Variants in CRTC1 observed in about 807,000 individuals in gnomAD.
CRTC1 encodes CREB-regulated transcription coactivator 1.
A neutral mutation model predicts 66.1 loss-of-function variants in CRTC1; 18 were observed. The ratio of observed to expected loss-of-function variants is 0.27; its 90% CI spans 0.19 to 0.40. CRTC1 has a LOEUF of 0.40. Ranked by LOEUF, CRTC1 falls within the 10% of genes least tolerant of loss-of-function variation. CRTC1 has a pLI of 1.00. For missense variants in CRTC1, 669 were observed against 887.9 expected (o/e 0.75, Z 3.13); for synonymous variants, 416 against 398.8 (o/e 1.04, Z -0.51).
intron 6 of CRTC1, among the ~76,000 whole-genome samples, chr19:18,756,836 C>T: frequency 6.6e-6 from 1 of 152,124 alleles, no homozygotes; most frequent in East Asian, 1.9e-4. Flanking sequence ...TTAATGTCTC[C>T]ATAATGTTGG....
chr19:18,777,260 T>C lies in CRTC1; in HGVS notation c.1783T>C (p.Phe595Leu). The C allele has an allele frequency of 1.2e-6, 2 of 1,604,656 alleles. No homozygotes were observed. Among genetic ancestry groups the C allele is most frequent in the Non-Finnish European group, 1.7e-6 (2 of 1,176,186 alleles). The change falls in exon 14 of 14, where the codon TTT (phenylalanine) becomes CTT (leucine). Residue 595 changes from phenylalanine (F) to leucine (L), a missense_variant. Physicochemically the swap from Phe to Leu is conservative, Grantham distance 22. Around this residue, in one of 8 missense-constraint regions of CRTC1, gnomAD observed 91 missense variants for 99.1 expected, o/e 0.92. Coordinates refer to ENST00000321949, the MANE Select transcript of CRTC1 (RefSeq NM_015321.3). The surrounding 1 kb of genome is among the most constrained non-coding windows in gnomAD (Gnocchi z 5.5). ...GDVSFDSDSQ[F>L]PLDELKIDPL... ...CGTCAGCTTCGACTCCGACAGCCAG[T>C]TTCCCCTGGACGAACTCAAGATCGA...
chr19:18,769,817 G>T (rs988312986), intron 10 of CRTC1, among the ~76,000 whole-genome samples: 4 of 152,110 alleles, frequency 2.6e-5, no homozygotes, highest in African/African-American at 9.7e-5. Context: ...ACGGCTTCCT[G>T]CCCCCACTTC....
chr19:18,766,374 A>G lies in CRTC1; in HGVS notation c.1011+846A>G, dbSNP rs541305424. Among the ~76,000 whole-genome samples the G allele has an allele frequency of 2.7e-5, 4 of 146,010 alleles. No homozygotes were observed. In the South Asian group the frequency reaches 8.8e-4, roughly 32 times the overall value. On this transcript the variant is annotated intron_variant, in intron 9 of 13. Coordinates refer to ENST00000321949, the MANE Select transcript of CRTC1 (RefSeq NM_015321.3). Reference sequence around the variant, plus strand: ...GGCTGGTCTCGAACTCCTGACTTCAAGTGATCTGCCTCCTTTGGCCTCCAA... The same window carrying G: ...GGCTGGTCTCGAACTCCTGACTTCAGGTGATCTGCCTCCTTTGGCCTCCAA...
chr19:18,722,638 A>G (rs1481672123), intron 1 of CRTC1, among the ~76,000 whole-genome samples: 6 of 152,246 alleles, frequency 3.9e-5, no homozygotes, highest in African/African-American at 1.4e-4. Flanking sequence ...TTCACATAAC[A>G]TGAAATTAAG....
In CRTC1 at chr19:18,768,671, C is replaced by A. The variant is rs760372841; in HGVS notation, c.1198C>A (p.Pro400Thr). The change falls in exon 10 of 14, where the codon CCC becomes ACC. Residue 400 changes from proline (P) to threonine (T), a missense_variant. By Grantham distance (38) the Pro-to-Thr change is conservative. This residue lies in a region of CRTC1 where 241 missense variants were observed against 242.2 expected (regional missense o/e 0.99). Transcript: ENST00000321949. The surrounding 1 kb of genome is among the most constrained non-coding windows in gnomAD (Gnocchi z 5.6). ...VRLPPGGPLL[P>T]SASLTRGPQP... is the part of the protein sequence containing the mutation. Reference sequence around the variant, plus strand: ...CCTGCCCCCTGGTGGCCCCCTGTTGCCCAGCGCCAGCCTGACTCGTGGGCC... The same window carrying A: ...CCTGCCCCCTGGTGGCCCCCTGTTGACCAGCGCCAGCCTGACTCGTGGGCC... 5.0e-5 allele frequency: 77 copies of A among 1,546,306 alleles called. No individual in the cohort carries two copies. The highest frequency in any genetic ancestry group is 6.0e-5 in the Non-Finnish European group (69 of 1,146,608).
At chr19:18,697,461 C>T (rs998140041) in intron 1 of CRTC1, among the ~76,000 whole-genome samples, 9 of 152,180 alleles carry the variant, frequency 5.9e-5, no homozygotes, top group Admixed American at 5.2e-4. Flanking sequence ...AAGCGTGCAC[C>T]GCCATACCTG....
chr19:18,759,956 G>GCCAGCCCCCTGTCCCTGCCA, intron 7 of CRTC1, 52 bp from the exon 8 acceptor site: 1 of 1,221,322 alleles, frequency 8.2e-7, no homozygotes, highest in Non-Finnish European at 1.2e-6. Context: ...TGTCCCCGCC[G>GCCAGCCCCCTGTCCCTGCCA]CCAGCCCCGC....
chr19:18,770,071 CA>C (rs1352104375), intron 10 of CRTC1, among the ~76,000 whole-genome samples: 3 of 151,380 alleles, frequency 2.0e-5, no homozygotes, highest in African/African-American at 4.9e-5. Context: ...CAGAAGGCGC[CA>C]CCAAGGACAT....
rs2055029926 is a variant in CRTC1 at position 18,777,888 on chromosome 19, G to T, written c.*506G>T. The T allele has an allele frequency of 7.6e-6, 2 of 262,854 alleles. No homozygotes were observed. The highest frequency in any genetic ancestry group is 1.1e-4 in the South Asian group (1 of 9,390). 16.3% of individuals were successfully genotyped at this position (262,854 alleles called of 1,614,324 possible). A position where few individuals can be genotyped will look rare whatever the true frequency, so the allele number is the denominator to read the frequency against. ...TCAGGTAGAGAGTGAGCCCCACGCC[G>T]CCCCAGGGAGGAGGCGCCAGAGCGC... On this transcript the variant is annotated 3_prime_UTR_variant, in exon 14 of 14. Coordinates refer to ENST00000321949, the MANE Select transcript of CRTC1 (RefSeq NM_015321.3). This position sits in a 1 kb window ranked among gnomAD's most constrained non-coding sequence, Gnocchi z 5.5.
At chr19:18,764,973 A>C (rs1401908239) in intron 8 of CRTC1, among the ~76,000 whole-genome samples, 1 of 152,248 alleles carries the variant, frequency 6.6e-6, no homozygotes, top group Non-Finnish European at 1.5e-5. Flanking sequence ...AAGCAGGCTC[A>C]GATGCTGCCT....
In CRTC1 at chr19:18,710,831, G is replaced by C. The variant is rs183336870; in HGVS notation, c.126+27003G>C. On this transcript the variant is annotated intron_variant, in intron 1 of 13. Transcript: ENST00000321949. ...TGGGTTTTGCCATGTTGCCCAGGCT[G>C]GTCTCGAACTCCTGACCTCAAGCGA... is the stretch of plus-strand genomic sequence containing the variant. 2.8e-4 allele frequency among the ~76,000 whole-genome samples: 42 copies of C among 152,232 alleles called. No individual in the cohort carries two copies. In the East Asian group the frequency reaches 6.2e-3, roughly 22 times the overall value.
chr19:18,724,827 C>T (rs556149427), intron 1 of CRTC1, among the ~76,000 whole-genome samples: 1 of 107,986 alleles, frequency 9.3e-6, no homozygotes, highest in Non-Finnish European at 2.0e-5. Flanking sequence ...TCTCAGGTTC[C>T]AGGGATGAGG....
chr19:18,772,408 C>T (rs1485532131), intron 11 of CRTC1, among the ~76,000 whole-genome samples: 1 of 152,196 alleles, frequency 6.6e-6, no homozygotes, highest in Non-Finnish European at 1.5e-5. Flanking sequence ...CCCAGAACCC[C>T]GCTATCCTGG....
intron 2 of CRTC1, 43 bp downstream of exon 2, chr19:18,743,069 T>C: frequency 6.9e-7 from 1 of 1,440,784 alleles, no homozygotes; most frequent in Non-Finnish European, 9.8e-7. Flanking sequence ...GTGGGGAGCT[T>C]CCCCCAGCCT....
At position 18,779,276 on chromosome 19, in the gene CRTC1, T is replaced by C. The variant is rs1274871343; in HGVS notation, c.*1894T>C. 1.3e-5 allele frequency: 3 copies of C among 227,676 alleles called. No homozygotes were observed. The highest frequency in any genetic ancestry group is 5.7e-5 in the Admixed American group (1 of 17,576). The allele number at this position is 227,676 out of a possible 1,614,324, so 14.1% of individuals were successfully genotyped here. On this transcript the variant is annotated 3_prime_UTR_variant, in exon 14 of 14. Coordinates refer to ENST00000321949, the MANE Select transcript of CRTC1 (RefSeq NM_015321.3). ...CCTAGCAACCATCCCTTCCTCTCTT[T>C]GCCCGGCAATGCCTTTGGCATGTGT...
intron 12 of CRTC1, 59 bp downstream of exon 12, chr19:18,775,045 C>T (rs913441086): frequency 4.6e-6 from 7 of 1,533,190 alleles, no homozygotes; most frequent in African/African-American, 1.4e-5. Context: ...TTGCTGGGAC[C>T]CTCGCTGGGA....
rs759206199 is a variant in CRTC1 at position 18,765,480 on chromosome 19, G to A, written c.963G>A (p.Arg321=). The change falls in exon 9 of 14, where the codon AGG becomes AGA. Residue 321 remains arginine (R), a synonymous_variant. Coordinates refer to ENST00000321949, the MANE Select transcript of CRTC1 (RefSeq NM_015321.3). The part of the protein sequence containing the change: ...VSPLSLSTEA[R]RQQASPTLSP... ...CCCTGTCCCTGAGCACAGAGGCAAG[G>A]CGTCAGCAGGCATCGCCCACCCTGT... is the stretch of plus-strand genomic sequence containing the variant. 1.9e-6 allele frequency: 3 copies of A among 1,611,192 alleles called. No homozygotes were observed. Among genetic ancestry groups the A allele is most frequent in the East Asian group, 2.2e-5 (1 of 44,870 alleles).
At chr19:18,746,004 C>T (rs373552986) in intron 3 of CRTC1, 44 bp downstream of exon 3, 21 of 1,568,340 alleles carry the variant, frequency 1.3e-5, no homozygotes, top group Middle Eastern at 1.7e-4. Context: ...CAGGCCCTGT[C>T]GGTGCCGGCA....
chr19:18,776,201 G>T (rs1422070835), intron 13 of CRTC1, among the ~76,000 whole-genome samples: 3 of 152,214 alleles, frequency 2.0e-5, no homozygotes, highest in Non-Finnish European at 4.4e-5. Flanking sequence ...CGGCTGTGGG[G>T]TGGGCCCTGT....
Sources: gnomAD v4.1 joint callset for allele counts (sites outside exome capture counted in the v4.1 genomes callset) on GRCh38, gnomAD v4.1.1 for gene constraint, gnomAD v4.1.1 regional missense constraint, Gnocchi (gnomAD v3.1) non-coding constraint, MANE v1.5 for transcripts, NCBI Gene and HGNC (gene_info 2026-07-23, HGNC 2026-07-21) for gene names.